The following PCDH15 variants were observed in gnomAD, a reference collection of about 807,000 sequenced individuals.
PCDH15 encodes protocadherin-15.
PCDH15 carries 129 observed loss-of-function variants against 178.5 expected under a neutral mutation model. The observed-to-expected ratio is 0.72, with a 90% CI of 0.63 to 0.84. PCDH15 has a LOEUF of 0.84. Among genes scored for constraint, PCDH15 ranks in the 40% least tolerant of loss-of-function variants. The pLI, the probability that PCDH15 is intolerant of heterozygous loss-of-function variation, is 0.00. For missense variants in PCDH15, 2,230 were observed against 2,099.9 expected, an observed-to-expected ratio of 1.06 and a Z score of -1.21; for synonymous variants, 800 against 732.0, an observed-to-expected ratio of 1.09 and a Z score of -1.50.
intron 2 of PCDH15, among the ~76,000 whole-genome samples, chr10:54,988,821 C>A (rs986157329): frequency 6.6e-6 from 1 of 152,134 alleles, no homozygotes; most frequent in Admixed American, 6.5e-5. Context: ...TCAAGCCAGC[C>A]ACGGAAATTT....
At chr10:55,452,680 A>C (rs1374091758) in intron 2 of PCDH15, among the ~76,000 whole-genome samples, 1 of 152,168 alleles carries the variant, frequency 6.6e-6, no homozygotes, top group African/African-American at 2.4e-5. Context: ...AAAATACTGA[A>C]CTAAACAACC....
intron 2 of PCDH15, among the ~76,000 whole-genome samples, chr10:55,589,022 A>C (rs1842782535): frequency 6.8e-6 from 1 of 147,818 alleles, no homozygotes; most frequent in Admixed American, 6.9e-5. Context: ...TGGAGGTTGC[A>C]GTGAGCCAAG....
At chr10:55,015,826 A>G (rs1922149) in intron 2 of PCDH15, among the ~76,000 whole-genome samples, 80,807 of 151,662 alleles carry the variant, frequency 0.53, 22,415 homozygotes, top group East Asian at 0.75. Flanking sequence ...AGGGAAGCTC[A>G]ACAGTTCTGT....
intron 2 of PCDH15, among the ~76,000 whole-genome samples, chr10:55,371,808 C>A (rs1277662686): frequency 1.3e-5 from 2 of 151,860 alleles, no homozygotes; most frequent in African/African-American, 4.8e-5. Flanking sequence ...TGGAGTAATA[C>A]AAACAGATAT....
At chr10:54,797,561 A>G (rs577178260) in intron 1 of PCDH15, among the ~76,000 whole-genome samples, 10 of 150,650 alleles carry the variant, frequency 6.6e-5, no homozygotes, top group Admixed American at 1.3e-4. Flanking sequence ...CGATCATCTT[A>G]GGAAGTAATT....
At chr10:54,841,497 AG>A (rs1281313829) in intron 3 of PCDH15, among the ~76,000 whole-genome samples, 4 of 151,744 alleles carry the variant, frequency 2.6e-5, no homozygotes, top group Non-Finnish European at 5.9e-5. Context: ...TCAAAGAACT[AG>A]GGAAAAAAAA....
intron 3 of PCDH15, among the ~76,000 whole-genome samples, chr10:54,848,363 CA>C (rs1953549924): frequency 1.2e-5 from 1 of 82,390 alleles, no homozygotes; most frequent in Non-Finnish European, 2.3e-5. Flanking sequence ...GCCTGGGCAA[CA>C]AGAGCAAAAC....
chr10:54,196,549 T>C (rs1342663241), intron 10 of PCDH15, among the ~76,000 whole-genome samples: 1 of 152,156 alleles, frequency 6.6e-6, no homozygotes, highest in Non-Finnish European at 1.5e-5. Context: ...GATAAAATAT[T>C]TAAATAAAAG....
intron 9 of PCDH15, among the ~76,000 whole-genome samples, chr10:54,232,945 T>A (rs1286589108): frequency 7.0e-6 from 1 of 143,476 alleles, no homozygotes; most frequent in Non-Finnish European, 1.5e-5. Flanking sequence ...TTTTTTTTTT[T>A]AAAGAGAGTC....
intron 2 of PCDH15, among the ~76,000 whole-genome samples, chr10:54,575,567 G>A (rs879924518): frequency 9.9e-5 from 15 of 152,102 alleles, no homozygotes; most frequent in African/African-American, 2.9e-4. Flanking sequence ...ATATCAGAAT[G>A]ATATCTAGAT....
chr10:55,300,377 G>C (rs368879002), intron 1 of PCDH15, among the ~76,000 whole-genome samples: 56 of 152,246 alleles, frequency 3.7e-4, no homozygotes, highest in African/African-American at 1.3e-3. Context: ...CGTTATGCAA[G>C]ATGCACTCAT....
At chr10:54,072,969 A>G (rs1269920470) in intron 17 of PCDH15, among the ~76,000 whole-genome samples, 2 of 152,172 alleles carry the variant, frequency 1.3e-5, no homozygotes, top group East Asian at 3.9e-4. Flanking sequence ...TACTGTTCTA[A>G]GAAACTTAAG....
Position 55,051,058 on chromosome 10 carries a change from G to T in PCDH15, c.-80+115518C>A, listed in dbSNP as rs544980132. 9.9e-5 allele frequency among the ~76,000 whole-genome samples: 15 copies of T among 152,008 alleles called. 1 individual carries two copies. The South Asian group carries it at 2.9e-3, about 29-fold the overall frequency. On this transcript the variant is annotated intron_variant, in intron 2 of 5. Coordinates refer to the PCDH15 transcript ENST00000458638. ...TGTGTACAATATCCCATATACTTAT[G>T]GTGATCATACATCTTACTTTGCTTG...
chr10:54,516,221 C>T (rs148358850), intron 3 of PCDH15, among the ~76,000 whole-genome samples: 350 of 152,142 alleles, frequency 2.3e-3, no homozygotes, highest in African/African-American at 8.0e-3. Context: ...ATGACTTTGA[C>T]GAGTTGAGAG....
At chr10:54,485,357 C>T (rs780220589) in intron 3 of PCDH15, among the ~76,000 whole-genome samples, 52 of 151,880 alleles carry the variant, frequency 3.4e-4, no homozygotes, top group Non-Finnish European at 7.2e-4. Flanking sequence ...CTCAGCCAAG[C>T]AATTGAGCCT....
chr10:54,389,784 CAAAAA>C (rs35298368), intron 3 of PCDH15, among the ~76,000 whole-genome samples: 25 of 70,008 alleles, frequency 3.6e-4, no homozygotes, highest in Non-Finnish European at 6.0e-4. Context: ...AATAAAAATA[CAAAAA>C]AAAAAAAAAA....
chr10:53,840,789 T>C (rs1379734291), intron 28 of PCDH15, among the ~76,000 whole-genome samples: 1 of 152,176 alleles, frequency 6.6e-6, no homozygotes, highest in East Asian at 1.9e-4. Context: ...AAATGCCAAA[T>C]ATGCTGTACA....
intron 2 of PCDH15, among the ~76,000 whole-genome samples, chr10:55,608,906 GAACTCAGAT>G (rs1167224746): frequency 1.3e-5 from 2 of 151,732 alleles, no homozygotes; most frequent in Non-Finnish European, 2.9e-5. Flanking sequence ...CCTGAGGAAG[GAACTCAGAT>G]AAAACAAATG....
intron 1 of PCDH15, among the ~76,000 whole-genome samples, chr10:55,174,492 CTT>C (rs1839424719): frequency 7.4e-6 from 1 of 135,840 alleles, no homozygotes; most frequent in Admixed American, 7.4e-5. Flanking sequence ...GCAGCTGGAC[CTT>C]TTCTGTAAAT....
Sources: gnomAD v4.1 joint callset for allele counts (sites outside exome capture counted in the v4.1 genomes callset) on GRCh38, gnomAD v4.1.1 for gene constraint, MANE v1.5 for transcripts, NCBI Gene and HGNC (gene_info 2026-07-23, HGNC 2026-07-21) for gene names.